The following TNFRSF8 variants were observed in gnomAD, a reference collection of about 807,000 sequenced individuals.
TNFRSF8 encodes TNF receptor superfamily member 8.
TNFRSF8 carries 26 observed loss-of-function variants against 70.8 expected under a neutral mutation model. The observed-to-expected ratio is 0.37, with a 90% CI of 0.27 to 0.51. TNFRSF8 has a LOEUF of 0.51. TNFRSF8 is among the 20% of genes least tolerant of loss of function. The probability of loss-of-function intolerance (pLI) is 0.94; values close to 1 mark genes in which losing one functional copy is unlikely to be tolerated. For synonymous variants in TNFRSF8, 356 were observed against 339.2 expected (o/e 1.05, Z -0.54); for missense variants, 720 against 807.9 (o/e 0.89, Z 1.32).
chr1:12,075,992 C>T lies in TNFRSF8; in HGVS notation c.64-8472C>T, dbSNP rs144618950. 1.0e-3 allele frequency among the ~76,000 whole-genome samples: 159 copies of T among 152,168 alleles called. 3 individuals are homozygous for T. In the East Asian group the frequency reaches 0.024, roughly 23 times the overall value. ...TCCACACAGAAACATTCCTAGCCTG[C>T]GAAAAGCTCCCATCCCAGAACCCTT... On this transcript the variant is annotated intron_variant, in intron 1 of 14. Coordinates refer to ENST00000263932, the MANE Select transcript of TNFRSF8 (RefSeq NM_001243.5).
chr1:12,126,105 C>T (rs915369642), intron 11 of TNFRSF8, 53 bp downstream of exon 11: 1 of 1,612,376 alleles, frequency 6.2e-7, no homozygotes, highest in African/African-American at 1.3e-5. Context: ...TCTCTGCCAG[C>T]CTGGCCTGGG....
intron 12 of TNFRSF8, among the ~76,000 whole-genome samples, chr1:12,132,957 G>C (rs509725): frequency 6.7e-4 from 101 of 151,872 alleles, no homozygotes; most frequent in Middle Eastern, 3.4e-3. Flanking sequence ...CCATTTTCCA[G>C]CTGGGAGGAC....
At chr1:12,123,508 T>A in intron 9 of TNFRSF8, 131 bp downstream of exon 9, 1 of 972,460 alleles carries the variant, frequency 1.0e-6, no homozygotes, top group Non-Finnish European at 1.5e-6. Context: ...TTGTTAAATG[T>A]GTGCCCATCT....
At chr1:12,116,408 GAC>G (rs1044492920) in intron 8 of TNFRSF8, among the ~76,000 whole-genome samples, 3 of 152,206 alleles carry the variant, frequency 2.0e-5, no homozygotes, top group African/African-American at 7.2e-5. Flanking sequence ...CTAAAACCCT[GAC>G]AGTTTTTTGT....
At chr1:12,139,644 G>C (rs1369959027) in intron 14 of TNFRSF8, among the ~76,000 whole-genome samples, 1 of 152,206 alleles carries the variant, frequency 6.6e-6, no homozygotes, top group Non-Finnish European at 1.5e-5. Flanking sequence ...AGGGTAACTG[G>C]CACTGGGATA....
Position 12,097,140 on chromosome 1 carries a change from A to G in TNFRSF8, c.191A>G (p.Asp64Gly), listed in dbSNP as rs1442118016. The change falls in exon 3 of 15, where the codon GAC becomes GGC. Residue 64 changes from aspartate to glycine, a missense_variant. Physicochemically the swap from Asp to Gly is moderately conservative, Grantham distance 94. Transcript: ENST00000263932. ...CAGCAGTGCCCACAGAGGCCTACTG[A>G]CTGCAGGAAGCAGTGTGAGCCTGAC... ...PTQQCPQRPTDCRKQCEPDYY... is the reference protein window; with the variant it reads ...PTQQCPQRPTGCRKQCEPDYY... 1.9e-6 allele frequency: 3 copies of G among 1,613,934 alleles called. No individual in the cohort carries two copies. The African/African-American group carries it at 4.0e-5, about 22-fold the overall frequency.
chr1:12,143,278 C>T lies in TNFRSF8; in HGVS notation c.*747C>T, dbSNP rs1642292737. The T allele has an allele frequency of 6.6e-6, 1 of 152,422 alleles. No individual in the cohort carries two copies. Among genetic ancestry groups the T allele is most frequent in the Admixed American group, 6.5e-5 (1 of 15,290 alleles). The allele number at this position is 152,422 out of a possible 1,614,324, so 9.4% of individuals were successfully genotyped here. On this transcript the variant is annotated 3_prime_UTR_variant, in exon 15 of 15. Transcript: ENST00000263932. The surrounding 1 kb of genome is among the most constrained non-coding windows in gnomAD (Gnocchi z 4.1). Reference sequence around the variant, plus strand: ...CTCAGAATGTCCCCACCAATCCCCGCCACAGCAGGCGCCTCGGGTCCCAGA... The same window carrying T: ...CTCAGAATGTCCCCACCAATCCCCGTCACAGCAGGCGCCTCGGGTCCCAGA...
intron 2 of TNFRSF8, among the ~76,000 whole-genome samples, chr1:12,090,504 C>T (rs1401717945): frequency 6.6e-6 from 1 of 151,100 alleles, no homozygotes; most frequent in African/African-American, 2.4e-5. Flanking sequence ...ATCCACCCAC[C>T]CACTCATCCA....
In TNFRSF8 at chr1:12,143,828, G is replaced by C. The variant is rs967143453; in HGVS notation, c.*1297G>C. ...TGGAGGCAGGCCCGGGAAGGCTGCT[G>C]TTTACTCATCGGGCAGCCACGTGCT... On this transcript the variant is annotated 3_prime_UTR_variant, in exon 15 of 15. Coordinates refer to ENST00000263932, the MANE Select transcript of TNFRSF8 (RefSeq NM_001243.5). The surrounding 1 kb of genome is among the most constrained non-coding windows in gnomAD (Gnocchi z 4.1). 1 of 152,202 alleles carries C rather than the reference G, an allele frequency of 6.6e-6. No homozygotes were observed. The highest frequency in any genetic ancestry group is 1.5e-5 in the Non-Finnish European group (1 of 68,042). The allele number at this position is 152,202 out of a possible 1,614,324, so 9.4% of individuals were successfully genotyped here. A position where few individuals can be genotyped will look rare whatever the true frequency, so the allele number is the denominator to read the frequency against.
chr1:12,102,654 T>G (rs1401154164), intron 3 of TNFRSF8, among the ~76,000 whole-genome samples: 2 of 152,176 alleles, frequency 1.3e-5, no homozygotes, highest in Non-Finnish European at 2.9e-5. Context: ...GCCTCCCCAG[T>G]AGCTTGGATT....
intron 1 of TNFRSF8, among the ~76,000 whole-genome samples, chr1:12,072,382 G>C (rs903781379): frequency 6.6e-6 from 1 of 152,254 alleles, no homozygotes; most frequent in Admixed American, 6.5e-5. Context: ...ACTGCGTAGG[G>C]GACTGTCTGG....
intron 8 of TNFRSF8, among the ~76,000 whole-genome samples, chr1:12,118,566 T>G (rs535516017): frequency 6.6e-6 from 1 of 152,344 alleles, no homozygotes; most frequent in African/African-American, 2.4e-5. Context: ...AACATTAAAT[T>G]CGTGTCTGCA....
Position 12,126,069 on chromosome 1 carries a change from T to C in TNFRSF8, c.1255+17T>C. 1 of 1,613,272 alleles carries C rather than the reference T, an allele frequency of 6.2e-7. No individual in the cohort carries two copies. The highest frequency in any genetic ancestry group is 8.5e-7 in the Non-Finnish European group (1 of 1,179,240). ...TTCGGCAGAGTAAGTGGCTGTGTCC[T>C]TGGGGCCTTGGGGAGGACAGGTTGC... On this transcript the variant is annotated intron_variant, in intron 11 of 14. Coordinates refer to ENST00000263932, the MANE Select transcript of TNFRSF8 (RefSeq NM_001243.5).
intron 14 of TNFRSF8, among the ~76,000 whole-genome samples, chr1:12,139,304 C>T (rs1413640390): frequency 6.6e-6 from 1 of 152,192 alleles, no homozygotes; most frequent in Non-Finnish European, 1.5e-5. Flanking sequence ...TGTCCCTCCC[C>T]CTCATGGCAG....
chr1:12,124,801 G>T (rs1641901295), intron 10 of TNFRSF8, among the ~76,000 whole-genome samples: 1 of 149,112 alleles, frequency 6.7e-6, no homozygotes, highest in Non-Finnish European at 1.5e-5. Context: ...CTGCACTCCA[G>T]CCTGAGCAGC....
chr1:12,100,482 CGTACAGCT>C (rs1455030641), intron 3 of TNFRSF8, among the ~76,000 whole-genome samples: 1 of 152,134 alleles, frequency 6.6e-6, no homozygotes, highest in Non-Finnish European at 1.5e-5. Flanking sequence ...ACAAACACAT[CGTACAGCT>C]GTACAAAAAT....
chr1:12,126,155 C>T, intron 11 of TNFRSF8, 28 bp from the exon 12 acceptor site: 1 of 1,614,126 alleles, frequency 6.2e-7, no homozygotes, highest in South Asian at 1.1e-5. Flanking sequence ...GGCCGCCACC[C>T]CCAGCCTTCC....
Position 12,138,573 on chromosome 1 carries a change from C to T in TNFRSF8, c.1543+137C>T, listed in dbSNP as rs1279477552. 2.2e-6 allele frequency: 2 copies of T among 899,158 alleles called. No homozygotes were observed. Among genetic ancestry groups the T allele is most frequent in the Non-Finnish European group, 1.7e-6 (1 of 601,186 alleles). The allele number at this position is 899,158 out of a possible 1,614,324, so 55.7% of individuals were successfully genotyped here. On this transcript the variant is annotated intron_variant, in intron 14 of 14. Coordinates refer to ENST00000263932, the MANE Select transcript of TNFRSF8 (RefSeq NM_001243.5). The surrounding 1 kb of genome is among the most constrained non-coding windows in gnomAD (Gnocchi z 5.7). The stretch of plus-strand genomic sequence containing the variant: ...GAAAGGAGAGGCATAGATTCTTCAC[C>T]CCAATTGAAGTTTCTGTAAGTAGGG...
At chr1:12,126,507 A>C (rs1264867763) in intron 12 of TNFRSF8, among the ~76,000 whole-genome samples, 1 of 152,100 alleles carries the variant, frequency 6.6e-6, no homozygotes, top group Non-Finnish European at 1.5e-5. Context: ...ATGAACGTTT[A>C]AAAGTCTATC....
Sources: gnomAD v4.1 joint callset for allele counts (sites outside exome capture counted in the v4.1 genomes callset) on GRCh38, gnomAD v4.1.1 for gene constraint, Gnocchi (gnomAD v3.1) non-coding constraint, MANE v1.5 for transcripts, NCBI Gene and HGNC (gene_info 2026-07-23, HGNC 2026-07-21) for gene names.